The following SENP5 variants were observed in gnomAD, a reference collection of about 807,000 sequenced individuals.
The protein encoded by SENP5 is sentrin-specific protease 5.
Under a neutral mutation model 74.2 loss-of-function variants are expected in SENP5, and 21 were observed. The observed-to-expected ratio is 0.28, with a 90% CI of 0.20 to 0.41. SENP5 has a LOEUF of 0.41. Among genes scored for constraint, SENP5 ranks in the 10% least tolerant of loss-of-function variants. The pLI, the probability that SENP5 is intolerant of heterozygous loss-of-function variation, is 1.00. For missense variants in SENP5, 717 were observed against 889.1 expected (o/e 0.81, Z 2.46); for synonymous variants, 311 against 312.7 (o/e 0.99, Z 0.06).
intron 2 of SENP5, among the ~76,000 whole-genome samples, chr3:196,891,481 A>G (rs1714197025): frequency 6.6e-6 from 1 of 152,208 alleles, no homozygotes; most frequent in Admixed American, 6.5e-5. Context: ...AGAAACAAAT[A>G]TAGGCCGGCC....
intron 4 of SENP5, 80 bp from the exon 5 acceptor site, chr3:196,900,285 T>TTTTA: frequency 7.3e-7 from 1 of 1,364,684 alleles, no homozygotes; most frequent in Non-Finnish European, 1.0e-6. Flanking sequence ...AGTAGCCTGG[T>TTTTA]TTTATTTATT....
intron 6 of SENP5, among the ~76,000 whole-genome samples, chr3:196,907,936 T>C (rs2108845051): frequency 6.6e-6 from 1 of 151,570 alleles, no homozygotes; most frequent in South Asian, 2.1e-4. Context: ...ATAAGAAGTA[T>C]ACATAAAATA....
intron 5 of SENP5, 41 bp downstream of exon 5, chr3:196,900,453 G>T: frequency 1.3e-6 from 2 of 1,533,580 alleles, no homozygotes; most frequent in Non-Finnish European, 1.8e-6. Flanking sequence ...GAGTGTTCTT[G>T]TGTATTAAAA....
intron 1 of SENP5, among the ~76,000 whole-genome samples, chr3:196,880,299 T>C (rs934428077): frequency 1.3e-5 from 2 of 152,214 alleles, no homozygotes; most frequent in African/African-American, 4.8e-5. Context: ...CAGGCTGATC[T>C]TGAACTCTTG....
intron 6 of SENP5, chr3:196,904,825 T>A (rs928141685): frequency 1.3e-5 from 2 of 151,988 alleles, no homozygotes; most frequent in Non-Finnish European, 2.9e-5. Flanking sequence ...ATGAAGACAT[T>A]AGAGGGTTTA....
At position 196,886,307 on chromosome 3, in the gene SENP5, C is replaced by T. The variant is rs1310838620; in HGVS notation, c.1126C>T (p.Pro376Ser). 6.2e-7 allele frequency: 1 copy of T among 1,614,058 alleles called. No individual in the cohort carries two copies. The highest frequency in any genetic ancestry group is 8.5e-7 in the Non-Finnish European group (1 of 1,180,014). The change falls in exon 2 of 10, where the codon CCC becomes TCC. Residue 376 changes from proline to serine, a missense_variant. By Grantham distance (74) the Pro-to-Ser change is moderately conservative (BLOSUM62 -1). Around this residue, in one of 4 missense-constraint regions of SENP5, gnomAD observed 567 missense variants for 577.4 expected, o/e 0.98. Transcript: ENST00000323460. Reference protein sequence around the residue: ...WECTELIHDIPLPEHRSNTMF... With the variant: ...WECTELIHDISLPEHRSNTMF... ...GTGTACAGAGCTGATTCATGACATC[C>T]CCTTACCAGAACATCGTTCTAATAC...
intron 9 of SENP5, 132 bp downstream of exon 9, chr3:196,929,815 T>G: frequency 1.5e-6 from 1 of 674,752 alleles, no homozygotes; most frequent in Non-Finnish European, 2.6e-6. Context: ...CCCTCCCCTT[T>G]ATTGCTGAGG....
intron 1 of SENP5, among the ~76,000 whole-genome samples, chr3:196,880,330 C>T (rs1052838613): frequency 6.6e-6 from 1 of 152,190 alleles, no homozygotes; most frequent in African/African-American, 2.4e-5. Context: ...ATCCTTCTGT[C>T]TCCGCCTCCC....
chr3:196,868,880 A>ATTTTTTTTTT (rs1553816679), intron 1 of SENP5, among the ~76,000 whole-genome samples: 1 of 142,244 alleles, frequency 7.0e-6, no homozygotes, highest in African/African-American at 2.6e-5. Flanking sequence ...GTTCCTACTT[A>ATTTTTTTTTT]TGTTTTTTTT....
chr3:196,873,448 G>A lies in SENP5; in HGVS notation c.-32+5375G>A, dbSNP rs576066335. Among the ~76,000 whole-genome samples, 4 of 152,022 alleles carry A rather than the reference G, an allele frequency of 2.6e-5. No homozygotes were observed. In the East Asian group the frequency reaches 5.8e-4, roughly 22 times the overall value. ...TTTCAAAATGTTTTTGCTGTTGTTCGGTGTTCCATTTTGTGTACATATGCT... is the reference window on the plus strand; with the variant it reads ...TTTCAAAATGTTTTTGCTGTTGTTCAGTGTTCCATTTTGTGTACATATGCT... On this transcript the variant is annotated intron_variant, in intron 1 of 9. Transcript: ENST00000323460.
chr3:196,868,300 G>C (rs1054234235), intron 1 of SENP5, among the ~76,000 whole-genome samples: 16 of 152,268 alleles, frequency 1.1e-4, no homozygotes, highest in Non-Finnish European at 2.1e-4. Flanking sequence ...TCTCGCTCCA[G>C]CCGGGCTGTG....
At chr3:196,909,021 C>T (rs1020043503) in intron 6 of SENP5, among the ~76,000 whole-genome samples, 1 of 151,454 alleles carries the variant, frequency 6.6e-6, no homozygotes, top group Non-Finnish European at 1.5e-5. Flanking sequence ...TCTAGCTAAA[C>T]TAAAGAAGAA....
chr3:196,896,220 A>G (rs899613178), intron 2 of SENP5, among the ~76,000 whole-genome samples: 2 of 152,206 alleles, frequency 1.3e-5, no homozygotes, highest in Non-Finnish European at 1.5e-5. Flanking sequence ...CTGTTTCTGG[A>G]TAGTTCTTGG....
chr3:196,906,770 T>C (rs1168085182), intron 6 of SENP5, among the ~76,000 whole-genome samples: 1 of 152,180 alleles, frequency 6.6e-6, no homozygotes, highest in East Asian at 1.9e-4. Context: ...TTGGATTTTA[T>C]CCTAAATGTA....
chr3:196,910,951 C>T (rs1463717405), intron 6 of SENP5, among the ~76,000 whole-genome samples: 1 of 151,846 alleles, frequency 6.6e-6, no homozygotes, highest in Non-Finnish European at 1.5e-5. Flanking sequence ...TTGACAAACC[C>T]GACAAAAGCA....
chr3:196,874,552 A>AT (rs1335936831), intron 1 of SENP5, among the ~76,000 whole-genome samples: 5 of 151,500 alleles, frequency 3.3e-5, no homozygotes, highest in Admixed American at 1.3e-4. Context: ...CTCCCTGGTC[A>AT]TTTTTTTTCA....
chr3:196,887,932 T>C, intron 2 of SENP5, among the ~76,000 whole-genome samples: 1 of 152,064 alleles, frequency 6.6e-6, no homozygotes. Context: ...CATGCCCGGC[T>C]AATTTTTTGT....
intron 1 of SENP5, among the ~76,000 whole-genome samples, chr3:196,869,306 C>T (rs796856795): frequency 2.0e-4 from 31 of 151,986 alleles, no homozygotes; most frequent in African/African-American, 6.7e-4. Flanking sequence ...CAGGTTCAAG[C>T]GATTCTCCTG....
intron 6 of SENP5, 97 bp from the exon 7 acceptor site, chr3:196,923,317 T>C (rs933761025): frequency 7.2e-7 from 1 of 1,398,504 alleles, no homozygotes; most frequent in African/African-American, 1.4e-5. Context: ...TTTTTTGCCC[T>C]TGTGCAGGTC....
Sources: gnomAD v4.1 joint callset for allele counts (sites outside exome capture counted in the v4.1 genomes callset) on GRCh38, gnomAD v4.1.1 for gene constraint, gnomAD v4.1.1 regional missense constraint, MANE v1.5 for transcripts, NCBI Gene and HGNC (gene_info 2026-07-23, HGNC 2026-07-21) for gene names.